The following TRPA1 variants were observed in gnomAD, a reference collection of about 807,000 sequenced individuals.
The protein encoded by TRPA1 is transient receptor potential cation channel subfamily A member 1.
In TRPA1, 129 loss-of-function variants were observed where a neutral mutation model predicts 131.3. That is an observed-to-expected ratio of 0.98 (90% CI 0.85 to 1.14). The LOEUF (loss-of-function observed/expected upper bound fraction) is 1.14, where lower values mean the gene tolerates loss of function less well. TRPA1 is among the 50% of genes most tolerant of loss of function. The pLI is 0.00. For missense variants in TRPA1, 1,304 were observed against 1,354.2 expected, an observed-to-expected ratio of 0.96 and a Z score of 0.58; for synonymous variants, 441 against 451.7, an observed-to-expected ratio of 0.98 and a Z score of 0.30.
rs2129435549 is a variant in TRPA1 at position 72,055,537 on chromosome 8, A to G, written c.1428T>C (p.Asn476=). 2 of 1,613,724 alleles carry G rather than the reference A, an allele frequency of 1.2e-6. No individual in the cohort carries two copies. The highest frequency in any genetic ancestry group is 2.2e-5 in the East Asian group (1 of 44,858). The change falls in exon 12 of 27, where the codon AAT becomes AAC. Residue 476 remains asparagine, a synonymous_variant. Coordinates refer to ENST00000262209, the MANE Select transcript of TRPA1 (RefSeq NM_007332.3). Reference sequence around the variant, plus strand: ...GAGTCATTCCATGAAGGTCACCTTCATTCAGAAGCCTCGTATCACTTATGT... The same window carrying G: ...GAGTCATTCCATGAAGGTCACCTTCGTTCAGAAGCCTCGTATCACTTATGT... ...LQDISDTRLL[N]EGDLHGMTPL...
chr8:72,056,838 CA>C (rs1805678266), intron 10 of TRPA1, 78 bp downstream of exon 10: 2 of 1,015,694 alleles, frequency 2.0e-6, no homozygotes, highest in Admixed American at 4.3e-5. Flanking sequence ...TATATAATAA[CA>C]AAAATTATAA....
At chr8:72,023,438 T>C (rs1487459560) in intron 26 of TRPA1, 1 of 456,902 alleles carries the variant, frequency 2.2e-6, no homozygotes, top group African/African-American at 2.0e-5. Flanking sequence ...ACTCAGGTAC[T>C]AACTAACTGT....
intron 15 of TRPA1, among the ~76,000 whole-genome samples, chr8:72,050,100 C>T (rs6998483): frequency 0.1 from 15,791 of 152,156 alleles, 965 homozygotes; most frequent in African/African-American, 0.14. Context: ...CCTCTCCCCC[C>T]ACCCCACGAC....
At chr8:72,066,266 C>T (rs1472482751) in intron 3 of TRPA1, among the ~76,000 whole-genome samples, 1 of 152,082 alleles carries the variant, frequency 6.6e-6, no homozygotes. Context: ...TGATTACTGC[C>T]CAAGCATCTA....
intron 1 of TRPA1, among the ~76,000 whole-genome samples, chr8:72,074,203 A>G (rs8180933): frequency 0.3 from 45,322 of 152,126 alleles, 7,108 homozygotes; most frequent in Middle Eastern, 0.44. Context: ...AAAACAAAAC[A>G]AACACAAAAC....
chr8:72,070,084 C>T (rs904618044), intron 2 of TRPA1, among the ~76,000 whole-genome samples: 24 of 152,174 alleles, frequency 1.6e-4, no homozygotes, highest in Non-Finnish European at 2.5e-4. Context: ...TTTCATCCTG[C>T]AAAGTCCTAT....
At chr8:72,052,103 C>T (rs1805522890) in intron 14 of TRPA1, among the ~76,000 whole-genome samples, 1 of 152,198 alleles carries the variant, frequency 6.6e-6, no homozygotes, top group South Asian at 2.1e-4. Flanking sequence ...TACATATACA[C>T]ACCTACTATT....
chr8:72,039,086 A>C, intron 18 of TRPA1, 59 bp from the exon 19 acceptor site: 12 of 1,561,856 alleles, frequency 7.7e-6, no homozygotes, highest in African/African-American at 1.4e-5. Flanking sequence ...TTTACTTAAG[A>C]TACCTGGGGA....
rs567896348 is a variant in TRPA1, at chr8:72,065,465, C to T, written c.538G>A (p.Ala180Thr). ...AATATACAAACCAAAATCTGCAATG[C>T]TTCGCTATTATTTGTGGTGCACGCA... The part of the protein sequence containing the change: ...IIACTTNNSE[A>T]LQILLKKGAK... The change falls in exon 4 of 27, where the codon GCA becomes ACA. Residue 180 changes from alanine to threonine, a missense_variant. Ala to Thr is a moderately conservative substitution (Grantham distance 58, BLOSUM62 0). Coordinates refer to ENST00000262209, the MANE Select transcript of TRPA1 (RefSeq NM_007332.3). 3.1e-6 allele frequency: 5 copies of T among 1,613,172 alleles called. No homozygotes were observed. The African/African-American group carries it at 5.3e-5, about 17-fold the overall frequency.
At chr8:72,033,049 C>G (rs963471476) in intron 23 of TRPA1, among the ~76,000 whole-genome samples, 1 of 152,202 alleles carries the variant, frequency 6.6e-6, no homozygotes, top group Non-Finnish European at 1.5e-5. Context: ...GAAGGGCACT[C>G]TAATGTCTGC....
In TRPA1 at chr8:72,075,454, C is replaced by G. The variant is rs781340587; in HGVS notation, c.-45G>C. 4 of 1,502,270 alleles carry G rather than the reference C, an allele frequency of 2.7e-6. No individual in the cohort carries two copies. The highest frequency in any genetic ancestry group is 3.3e-5 in the Admixed American group (2 of 59,878). 93.1% of individuals were successfully genotyped at this position (1,502,270 alleles called of 1,614,324 possible). Reference sequence around the variant, plus strand: ...ACCTGGTGCAGCTGCTCACCACGCGCGCGGGCACCTGGGGCGAGAGAGCGC... The same window carrying G: ...ACCTGGTGCAGCTGCTCACCACGCGGGCGGGCACCTGGGGCGAGAGAGCGC... On this transcript the variant is annotated 5_prime_UTR_variant, in exon 1 of 27. Transcript: ENST00000262209.
At chr8:72,073,537 T>G (rs1378336025) in intron 1 of TRPA1, among the ~76,000 whole-genome samples, 1 of 152,194 alleles carries the variant, frequency 6.6e-6, no homozygotes, top group Admixed American at 6.5e-5. Context: ...ACAAGAGATT[T>G]TTACAAAATG....
chr8:72,039,839 C>T lies in TRPA1; in HGVS notation c.2062-42G>A. 3 of 1,283,146 alleles carry T rather than the reference C, an allele frequency of 2.3e-6. No homozygotes were observed. In the Admixed American group the frequency reaches 5.1e-5, roughly 22 times the overall value. The allele number at this position is 1,283,146 out of a possible 1,614,324, so 79.5% of individuals were successfully genotyped here. ...AGTGTAATAAAAACACAATCATAAT[C>T]AACTACTGAGTATAAACTAATCTAT... On this transcript the variant is annotated intron_variant, in intron 17 of 26. Transcript: ENST00000262209.
chr8:72,038,456 T>C (rs947830724), intron 19 of TRPA1, among the ~76,000 whole-genome samples: 7 of 152,078 alleles, frequency 4.6e-5, no homozygotes, highest in Non-Finnish European at 1.0e-4. Flanking sequence ...ATTCACAGTG[T>C]TATACCACCA....
At chr8:72,047,264 G>C in intron 15 of TRPA1, 57 bp from the exon 16 acceptor site, 1 of 1,252,226 alleles carries the variant, frequency 8.0e-7, no homozygotes, top group African/African-American at 1.5e-5. Context: ...TATTAGGAAA[G>C]ATTTTATCCT....
intron 8 of TRPA1, among the ~76,000 whole-genome samples, chr8:72,058,217 A>G (rs2129435823): frequency 6.6e-6 from 1 of 152,346 alleles, no homozygotes; most frequent in South Asian, 2.1e-4. Context: ...AAACATTTAC[A>G]AAACACCATT....
intron 9 of TRPA1, among the ~76,000 whole-genome samples, 190 bp downstream of exon 9, chr8:72,057,525 TCC>T (rs1300928679): frequency 1.3e-5 from 2 of 152,234 alleles, no homozygotes; most frequent in South Asian, 2.1e-4. Flanking sequence ...TTAAGTATGC[TCC>T]CTTACTGGAC....
chr8:72,063,584 A>G lies in TRPA1; in HGVS notation c.553-13T>C, dbSNP rs1182425201. On this transcript the variant is annotated splice_polypyrimidine_tract_variant and intron_variant, in intron 4 of 26. Coordinates refer to ENST00000262209, the MANE Select transcript of TRPA1 (RefSeq NM_007332.3). ...CTCCTTTTTTAAGCTGGAAGAAAAG[A>G]CAAAATGAAAAATGACACCAGTTAA... 6.3e-7 allele frequency: 1 copy of G among 1,595,638 alleles called. No individual in the cohort carries two copies.
At chr8:72,041,306 C>G (rs1176190152) in intron 17 of TRPA1, 5 of 151,954 alleles carry the variant, frequency 3.3e-5, no homozygotes, top group Non-Finnish European at 7.4e-5. Context: ...ATAGAACAAC[C>G]AGACAGAAGT....
Sources: allele counts gnomAD v4.1 joint callset (sites outside exome capture counted in the v4.1 genomes callset), GRCh38; gene constraint gnomAD v4.1.1; transcripts MANE v1.5; gene names NCBI Gene and HGNC (gene_info 2026-07-23, HGNC 2026-07-21).